Variants in ADGRA3 observed in about 807,000 individuals in gnomAD.
ADGRA3 encodes the protein adhesion G protein-coupled receptor A3, also known as G-protein coupled receptor 125.
In ADGRA3, 56 loss-of-function variants were observed where a neutral mutation model predicts 119.8. The observed-to-expected ratio is 0.47, with a 90% CI of 0.38 to 0.58. The LOEUF (loss-of-function observed/expected upper bound fraction) is 0.58. Among genes scored for constraint, ADGRA3 ranks in the 20% least tolerant of loss-of-function variants. ADGRA3 has a pLI of 0.00. For synonymous variants in ADGRA3, 607 were observed against 623.8 expected, an observed-to-expected ratio of 0.97 and a Z score of 0.40; for missense variants, 1,516 against 1,649.0, an observed-to-expected ratio of 0.92 and a Z score of 1.40.
chr4:22,498,326 C>T (rs1490507514), intron 1 of ADGRA3, among the ~76,000 whole-genome samples: 1 of 151,264 alleles, frequency 6.6e-6, no homozygotes, highest in Non-Finnish European at 1.5e-5. Flanking sequence ...AAAAAGAAAA[C>T]CAGTTAACAT....
At chr4:22,421,348 A>G (rs1715672880) in intron 11 of ADGRA3, among the ~76,000 whole-genome samples, 2 of 152,124 alleles carry the variant, frequency 1.3e-5, no homozygotes, top group Non-Finnish European at 2.9e-5. Flanking sequence ...ACAGAAGATC[A>G]GGTCTAAGAA....
intron 12 of ADGRA3, among the ~76,000 whole-genome samples, chr4:22,418,545 C>T (rs995270576): frequency 6.6e-6 from 1 of 151,954 alleles, no homozygotes; most frequent in Non-Finnish European, 1.5e-5. Context: ...GGAGAGGAAC[C>T]AAGGAAAGTT....
chr4:22,505,352 C>T (rs1268138387), intron 1 of ADGRA3, among the ~76,000 whole-genome samples: 1 of 152,080 alleles, frequency 6.6e-6, no homozygotes, highest in Non-Finnish European at 1.5e-5. Context: ...CTCCCGTTGC[C>T]CATTTAGAAT....
intron 1 of ADGRA3, among the ~76,000 whole-genome samples, chr4:22,494,104 C>G (rs1279045924): frequency 1.3e-5 from 2 of 151,624 alleles, no homozygotes; most frequent in East Asian, 3.9e-4. Context: ...ACTCAGGAGG[C>G]TGAGGCAGGA....
At chr4:22,398,649 AC>A (rs1394844273) in intron 16 of ADGRA3, among the ~76,000 whole-genome samples, 8 of 152,090 alleles carry the variant, frequency 5.3e-5, no homozygotes, top group African/African-American at 1.4e-4. Context: ...TTAAAAAAAA[AC>A]AAATGGTGAA....
chr4:22,446,711 G>T (rs145118117), intron 5 of ADGRA3, among the ~76,000 whole-genome samples: 212 of 152,082 alleles, frequency 1.4e-3, no homozygotes, highest in African/African-American at 4.9e-3. Context: ...GAGGAATCAG[G>T]AGAGAAAAAC....
intron 3 of ADGRA3, chr4:22,455,939 C>A: frequency 4.6e-6 from 3 of 658,550 alleles, no homozygotes; most frequent in Non-Finnish European, 6.9e-6. Flanking sequence ...TGAATTCTGA[C>A]AGAATAATTA....
rs558816613 is a variant in ADGRA3, at chr4:22,417,935, G to A, written c.1809+2951C>T. Reference sequence around the variant, plus strand: ...GCTCTAGATGTCTGGGATGTGTAAAGAAAAACTGATTTCTAAATTCTAGTC... The same window carrying A: ...GCTCTAGATGTCTGGGATGTGTAAAAAAAAACTGATTTCTAAATTCTAGTC... On this transcript the variant is annotated intron_variant, in intron 12 of 18. Transcript: ENST00000334304. Among the ~76,000 whole-genome samples, 6 of 152,258 alleles carry A rather than the reference G, an allele frequency of 3.9e-5. No individual in the cohort carries two copies. The East Asian group carries it at 1.2e-3, about 29-fold the overall frequency.
intron 12 of ADGRA3, 137 bp downstream of exon 12, chr4:22,420,749 A>T (rs1270167486): frequency 2.4e-6 from 2 of 832,158 alleles, no homozygotes; most frequent in East Asian, 2.4e-5. Context: ...GTTTTCTTTA[A>T]AACAGTAGCA....
intron 1 of ADGRA3, among the ~76,000 whole-genome samples, chr4:22,497,195 G>A (rs73802840): frequency 0.023 from 3,464 of 152,206 alleles, 136 homozygotes; most frequent in African/African-American, 0.079. Flanking sequence ...TGGTAATACA[G>A]GCAAAGCCAT....
chr4:22,431,434 T>C (rs1002096750), intron 10 of ADGRA3, among the ~76,000 whole-genome samples: 10 of 152,222 alleles, frequency 6.6e-5, no homozygotes, highest in African/African-American at 1.9e-4. Flanking sequence ...AACCCACCTC[T>C]TGCATCAGTG....
At chr4:22,464,644 T>C (rs1463693182) in intron 2 of ADGRA3, among the ~76,000 whole-genome samples, 2 of 152,230 alleles carry the variant, frequency 1.3e-5, no homozygotes, top group Non-Finnish European at 2.9e-5. Context: ...TACCTGCAAC[T>C]CTTCCCCATG....
chr4:22,508,289 A>G (rs1054880909), intron 1 of ADGRA3, among the ~76,000 whole-genome samples: 1 of 152,216 alleles, frequency 6.6e-6, no homozygotes, highest in Non-Finnish European at 1.5e-5. Flanking sequence ...AGAATTTCCC[A>G]GACTGGGCTT....
At position 22,513,860 on chromosome 4, in the gene ADGRA3, A is replaced by AAAAC. The variant is rs1553883951; in HGVS notation, c.257+1667_257+1668insGTTT. Among the ~76,000 whole-genome samples the AAAAC allele has an allele frequency of 4.9e-4, 69 of 141,656 alleles. 1 individual carries two copies. The highest frequency in any genetic ancestry group is 1.6e-3 in the African/African-American group (64 of 40,546). 92.9% of individuals were successfully genotyped at this position (141,656 alleles called of 152,430 possible). A position where few individuals can be genotyped will look rare whatever the true frequency, so the allele number is the denominator to read the frequency against. On this transcript the variant is annotated intron_variant, in intron 1 of 18. Transcript: ENST00000334304. The stretch of plus-strand genomic sequence containing the variant: ...AGCTTTCAGGCAAAAAAAAAAAAAA[A>AAAAC]AAAAAAAAAAAAAACTGGATTGAAA...
At chr4:22,437,115 AT>A (rs1342524664) in intron 8 of ADGRA3, among the ~76,000 whole-genome samples, 1 of 152,208 alleles carries the variant, frequency 6.6e-6, no homozygotes, top group Non-Finnish European at 1.5e-5. Context: ...AGTAAATATC[AT>A]ATTAGGATTA....
Position 22,515,910 on chromosome 4 carries a change from G to C in ADGRA3, c.-126C>G, listed in dbSNP as rs1172985376. The C allele has an allele frequency of 3.5e-6, 2 of 571,940 alleles. No individual in the cohort carries two copies. The highest frequency in any genetic ancestry group is 4.4e-6 in the Non-Finnish European group (2 of 453,018). The allele number at this position is 571,940 out of a possible 1,614,324, so 35.4% of individuals were successfully genotyped here. ...CGGAGCCTTATGGCGGCCGGAGGAC[G>C]GGCCTTCCCCGGCGCGGACATGCTC... On this transcript the variant is annotated 5_prime_UTR_variant, in exon 1 of 19. Coordinates refer to ENST00000334304, the MANE Select transcript of ADGRA3 (RefSeq NM_145290.4).
intron 1 of ADGRA3, among the ~76,000 whole-genome samples, chr4:22,497,598 G>C (rs1030025136): frequency 8.5e-5 from 13 of 152,112 alleles, no homozygotes; most frequent in Non-Finnish European, 1.5e-4. Context: ...AAGGCGGGAA[G>C]ATCACCTGAG....
intron 10 of ADGRA3, among the ~76,000 whole-genome samples, chr4:22,429,860 T>C (rs956790577): frequency 2.6e-5 from 4 of 152,166 alleles, no homozygotes; most frequent in South Asian, 2.1e-4. Context: ...CCAACACTTA[T>C]TGATATGGTT....
intron 10 of ADGRA3, 80 bp downstream of exon 10, chr4:22,435,231 C>T: frequency 8.7e-7 from 1 of 1,152,286 alleles, no homozygotes; most frequent in East Asian, 2.4e-5. Context: ...CATAAACAGG[C>T]CTTAAAATAC....
Sources: gnomAD v4.1 joint callset for allele counts (sites outside exome capture counted in the v4.1 genomes callset) on GRCh38, gnomAD v4.1.1 for gene constraint, MANE v1.5 for transcripts, NCBI Gene and HGNC (gene_info 2026-07-23, HGNC 2026-07-21) for gene names.